CCDC181: variants seen among roughly 807,000 people sequenced by gnomAD.
CCDC181 encodes coiled-coil domain containing 181, also known as coiled-coil domain-containing protein 181.
A neutral mutation model predicts 58.7 loss-of-function variants in CCDC181; 35 were observed. The ratio of observed to expected loss-of-function variants is 0.60; its 90% CI spans 0.46 to 0.79. The LOEUF (loss-of-function observed/expected upper bound fraction) is 0.79, where lower values mean the gene tolerates loss of function less well. CCDC181 is among the 30% of genes least tolerant of loss of function. The pLI is 0.00. For missense variants in CCDC181, 517 were observed against 583.9 expected (o/e 0.89, Z 1.18); for synonymous variants, 183 against 197.5 (o/e 0.93, Z 0.62).
chr1:169,425,138 A>G (rs1056641862), intron 1 of CCDC181, among the ~76,000 whole-genome samples, 188 bp from the exon 2 acceptor site: 1 of 152,056 alleles, frequency 6.6e-6, no homozygotes, highest in African/African-American at 2.4e-5. Context: ...ATAGGTAAAC[A>G]TTCCTAAAAA....
At chr1:169,397,502 T>A in intron 4 of CCDC181, 111 bp from the exon 5 acceptor site, 2 of 948,118 alleles carry the variant, frequency 2.1e-6, no homozygotes, top group Non-Finnish European at 3.0e-6. Flanking sequence ...TTTTTCATAA[T>A]AATGCCAGCC....
chr1:169,404,494 G>A lies in CCDC181; in HGVS notation c.1216-7103C>T, dbSNP rs181979025. Among the ~76,000 whole-genome samples the A allele has an allele frequency of 5.6e-4, 86 of 152,308 alleles. No individual in the cohort carries two copies. In the East Asian group the frequency reaches 0.016, roughly 28 times the overall value. ...AGTGGGCTTCATCCCTGGGATGCAA[G>A]CCTGGTTCAACGTATGCAAATCAAT... On this transcript the variant is annotated intron_variant, in intron 4 of 5. Transcript: ENST00000367806.
chr1:169,417,624 C>G (rs1656273538), intron 4 of CCDC181, among the ~76,000 whole-genome samples: 2 of 152,030 alleles, frequency 1.3e-5, no homozygotes, highest in Admixed American at 1.3e-4. Context: ...CCCCTTCCCC[C>G]TTCCTAGAAG....
At chr1:169,404,268 T>C (rs1346808489) in intron 4 of CCDC181, among the ~76,000 whole-genome samples, 1 of 152,164 alleles carries the variant, frequency 6.6e-6, no homozygotes, top group African/African-American at 2.4e-5. Flanking sequence ...TCTGAAACTA[T>C]TCCAATCATC....
intron 2 of CCDC181, among the ~76,000 whole-genome samples, chr1:169,423,454 C>A (rs1396373114): frequency 2.0e-5 from 3 of 151,438 alleles, no homozygotes; most frequent in Non-Finnish European, 4.4e-5. Context: ...TTTTGAAAAC[C>A]CACTTTTTAC....
At chr1:169,428,066 A>G (rs1340270349), upstream of CCDC181, among the ~76,000 whole-genome samples, 1 of 152,236 alleles carries the variant, frequency 6.6e-6, no homozygotes, top group Non-Finnish European at 1.5e-5. Flanking sequence ...TCCTCAGTAC[A>G]ATCCAGTGTG....
At chr1:169,434,389 T>C (rs1657000286) in intron 2 of CCDC181, among the ~76,000 whole-genome samples, 1 of 151,922 alleles carries the variant, frequency 6.6e-6, no homozygotes, top group South Asian at 2.1e-4. Flanking sequence ...CTCAAAAAAT[T>C]AAAAATTGAA....
chr1:169,420,383 G>A (rs1358701456), intron 3 of CCDC181, among the ~76,000 whole-genome samples: 6 of 146,638 alleles, frequency 4.1e-5, no homozygotes, highest in Admixed American at 2.1e-4. Flanking sequence ...ACGTTCTTAC[G>A]AAGTCATGTT....
chr1:169,448,342 C>A (rs1657437937), intron 2 of CCDC181, among the ~76,000 whole-genome samples: 1 of 148,926 alleles, frequency 6.7e-6, no homozygotes, highest in Non-Finnish European at 1.5e-5. Flanking sequence ...TGAAGAACTT[C>A]TTTTAATATT....
intron 2 of CCDC181, among the ~76,000 whole-genome samples, chr1:169,456,725 T>G (rs1657684516): frequency 6.6e-6 from 1 of 152,174 alleles, no homozygotes; most frequent in South Asian, 2.1e-4. Context: ...AAGAAGGCTT[T>G]CACCACATGC....
At chr1:169,459,890 G>A (rs189619783) in intron 1 of CCDC181, 2 of 102,620 alleles carry the variant, frequency 1.9e-5, no homozygotes, top group Admixed American at 1.4e-4. Context: ...GTCAAGTTAC[G>A]CAGTTTGAAA....
intron 4 of CCDC181, among the ~76,000 whole-genome samples, chr1:169,406,563 C>T (rs577618218): frequency 1.4e-4 from 21 of 152,062 alleles, no homozygotes; most frequent in Admixed American, 1.1e-3. Context: ...AACCAAACAC[C>T]GCATGTTCTC....
chr1:169,433,608 A>G (rs1478495701), intron 2 of CCDC181, among the ~76,000 whole-genome samples: 2 of 152,054 alleles, frequency 1.3e-5, no homozygotes, highest in Admixed American at 6.6e-5. Flanking sequence ...AATCAAATTT[A>G]GAGGTCATAA....
At chr1:169,425,924 G>A (rs1656690584) in intron 1 of CCDC181, among the ~76,000 whole-genome samples, 1 of 151,672 alleles carries the variant, frequency 6.6e-6, no homozygotes, top group East Asian at 1.9e-4. Context: ...ATGTTTTATT[G>A]TTTACAGAGA....
intron 1 of CCDC181, chr1:169,460,189 G>T (rs1373429652): frequency 6.6e-6 from 1 of 152,110 alleles, no homozygotes; most frequent in Non-Finnish European, 1.5e-5. Flanking sequence ...ATTTGTAGCG[G>T]TCAGTACCGT....
chr1:169,452,968 T>C (rs1333948644), intron 2 of CCDC181, among the ~76,000 whole-genome samples: 1 of 152,084 alleles, frequency 6.6e-6, no homozygotes, highest in African/African-American at 2.4e-5. Flanking sequence ...TTCTAGTCAT[T>C]AATTTATGAA....
At chr1:169,431,003 C>G (rs1249962800), upstream of CCDC181, among the ~76,000 whole-genome samples, 2 of 152,186 alleles carry the variant, frequency 1.3e-5, no homozygotes, top group East Asian at 3.8e-4. Context: ...GGGGTACTTT[C>G]AATTTCCCAT....
chr1:169,442,813 A>G (rs967855937), intron 2 of CCDC181: 1 of 152,076 alleles, frequency 6.6e-6, no homozygotes, highest in Non-Finnish European at 1.5e-5. Context: ...TTGACAAACA[A>G]TATGCAAAAC....
At chr1:169,423,535 G>C (rs1208114123) in intron 2 of CCDC181, among the ~76,000 whole-genome samples, 1 of 151,912 alleles carries the variant, frequency 6.6e-6, no homozygotes, top group Non-Finnish European at 1.5e-5. Flanking sequence ...AGCCTCAAAA[G>C]AAGAGGTTGT....
Sources: gnomAD v4.1 joint callset for allele counts (sites outside exome capture counted in the v4.1 genomes callset) on GRCh38, gnomAD v4.1.1 for gene constraint, MANE v1.5 for transcripts, NCBI Gene and HGNC (gene_info 2026-07-23, HGNC 2026-07-21) for gene names.